UBE2K: variants seen among roughly 807,000 people sequenced by gnomAD.
UBE2K encodes ubiquitin-conjugating enzyme E2 K.
In UBE2K, 6 loss-of-function variants were observed where a neutral mutation model predicts 30.0. The ratio of observed to expected loss-of-function variants is 0.20; its 90% CI spans 0.11 to 0.39. The LOEUF is 0.39. Ranked by LOEUF, UBE2K falls within the 10% of genes least tolerant of loss-of-function variation. The probability of loss-of-function intolerance (pLI) is 1.00; values close to 1 mark genes in which losing one functional copy is unlikely to be tolerated. For synonymous variants in UBE2K, 86 were observed against 83.7 expected (o/e 1.03, Z -0.15); for missense variants, 61 against 241.6 (o/e 0.25, Z 4.96).
At chr4:39,701,454 A>T (rs1275882534) in intron 1 of UBE2K, among the ~76,000 whole-genome samples, 1 of 152,174 alleles carries the variant, frequency 6.6e-6, no homozygotes, top group African/African-American at 2.4e-5. Context: ...GTTATTGCTA[A>T]TTCTTAAGCA....
intron 1 of UBE2K, among the ~76,000 whole-genome samples, chr4:39,714,983 T>C (rs1718965279): frequency 6.6e-6 from 1 of 151,120 alleles, no homozygotes; most frequent in Non-Finnish European, 1.5e-5. Flanking sequence ...CCCAGCCTCC[T>C]GAGTAGCTGG....
rs973493372 is a variant in UBE2K at position 39,698,264 on chromosome 4, C to T, written c.-64C>T. ...GAGGAGGCGGTGGAGGAAGAGGTGGCGGCGGTGGCGGTGGTCGTAGCGGTG... is the reference window on the plus strand; with the variant it reads ...GAGGAGGCGGTGGAGGAAGAGGTGGTGGCGGTGGCGGTGGTCGTAGCGGTG... On this transcript the variant is annotated 5_prime_UTR_variant, in exon 1 of 7. Coordinates refer to ENST00000261427, the MANE Select transcript of UBE2K (RefSeq NM_005339.5). 10 of 1,499,312 alleles carry T rather than the reference C, an allele frequency of 6.7e-6. No homozygotes were observed. Among genetic ancestry groups the T allele is most frequent in the East Asian group, 2.3e-5 (1 of 43,140 alleles). 92.9% of individuals were successfully genotyped at this position (1,499,312 alleles called of 1,614,324 possible).
intron 4 of UBE2K, among the ~76,000 whole-genome samples, chr4:39,763,802 G>A (rs1224208892): frequency 6.6e-6 from 1 of 152,052 alleles, no homozygotes; most frequent in Non-Finnish European, 1.5e-5. Flanking sequence ...CCAGACTAGA[G>A]TGCTGTGGCT....
At chr4:39,766,789 G>A (rs910952967) in intron 4 of UBE2K, among the ~76,000 whole-genome samples, 11 of 151,756 alleles carry the variant, frequency 7.2e-5, no homozygotes, top group Admixed American at 1.3e-4. Context: ...TCGCTCTGTC[G>A]CCCAGGCTGG....
chr4:39,713,517 T>C (rs1718834662), intron 1 of UBE2K, among the ~76,000 whole-genome samples: 1 of 137,594 alleles, frequency 7.3e-6, no homozygotes, highest in African/African-American at 2.8e-5. Flanking sequence ...ATTATGTGGC[T>C]TGATTTTTAA....
rs1358726768 is a variant in UBE2K, at chr4:39,702,256, T to C, written c.63+3866T>C. ...CTTTTTTTTTTTTTTTTTTTTTTTT[T>C]TTTTTTTTTTTTTTTGAGACGGAGT... On this transcript the variant is annotated intron_variant, in intron 1 of 6. Coordinates refer to ENST00000261427, the MANE Select transcript of UBE2K (RefSeq NM_005339.5). Among the ~76,000 whole-genome samples the C allele has an allele frequency of 7.1e-3, 206 of 28,850 alleles. 5 individuals carry two copies. Among genetic ancestry groups the C allele is most frequent in the Middle Eastern group, 0.016 (1 of 64 alleles). 18.9% of individuals were successfully genotyped at this position (28,850 alleles called of 152,430 possible). A position where few individuals can be genotyped will look rare whatever the true frequency, so the allele number is the denominator to read the frequency against.
intron 1 of UBE2K, among the ~76,000 whole-genome samples, chr4:39,712,368 A>ATTTT: frequency 1.9e-5 from 1 of 53,634 alleles, no homozygotes; most frequent in South Asian, 7.8e-4. Flanking sequence ...CGCCCGGCCA[A>ATTTT]TTTTTTTTTT....
In UBE2K at chr4:39,765,127, C is replaced by T. The variant is rs564626542; in HGVS notation, c.299+9388C>T. On this transcript the variant is annotated intron_variant, in intron 4 of 6. Coordinates refer to ENST00000261427, the MANE Select transcript of UBE2K (RefSeq NM_005339.5). Reference sequence around the variant, plus strand: ...GTCTCAATCTCCTGACCTCGTGATCCGCCCGCCTTGGCCTCCCAAAGCGCT... The same window carrying T: ...GTCTCAATCTCCTGACCTCGTGATCTGCCCGCCTTGGCCTCCCAAAGCGCT... Among the ~76,000 whole-genome samples, 27 of 152,248 alleles carry T rather than the reference C, an allele frequency of 1.8e-4. 1 individual carries two copies. In the South Asian group the frequency reaches 2.7e-3, roughly 15 times the overall value.
At position 39,773,659 on chromosome 4, in the gene UBE2K, C is replaced by T. The variant is rs574488642; in HGVS notation, c.300-1175C>T. ...GAAGGTGGCTGGGCGCGGTGGCTCA[C>T]GCCTGTAATCCCAGCACTTTGGGAG... is the stretch of plus-strand genomic sequence containing the variant. On this transcript the variant is annotated intron_variant, in intron 4 of 6. Transcript: ENST00000261427. Among the ~76,000 whole-genome samples the T allele has an allele frequency of 2.7e-4, 41 of 150,936 alleles. No individual in the cohort carries two copies. The South Asian group carries it at 8.0e-3, about 29-fold the overall frequency.
At chr4:39,714,542 A>AT (rs1275060030) in intron 1 of UBE2K, 5 of 20,192 alleles carry the variant, frequency 2.5e-4, no homozygotes, top group South Asian at 2.2e-3. Flanking sequence ...ATATATATAT[A>AT]TATATATATT....
At position 39,698,173 on chromosome 4, in the gene UBE2K, T is replaced by C. The variant is rs1717793413; in HGVS notation, c.-155T>C. The C allele has an allele frequency of 7.9e-6, 6 of 759,512 alleles. No individual in the cohort carries two copies. The highest frequency in any genetic ancestry group is 5.4e-5 in the East Asian group (2 of 37,256). 47.0% of individuals were successfully genotyped at this position (759,512 alleles called of 1,614,324 possible). A position where few individuals can be genotyped will look rare whatever the true frequency, so the allele number is the denominator to read the frequency against. On this transcript the variant is annotated 5_prime_UTR_variant, in exon 1 of 7. Transcript: ENST00000261427. ...GCCGGGCGCGGAGGTGATTCCACAC[T>C]GAGGCGAGCGCGGCGGCCGGGGTGG...
chr4:39,740,294 T>G (rs1320407761), intron 2 of UBE2K, among the ~76,000 whole-genome samples: 2 of 152,146 alleles, frequency 1.3e-5, no homozygotes, highest in Non-Finnish European at 2.9e-5. Context: ...AGGCACTTCC[T>G]GAGCTAAATT....
At chr4:39,767,756 TTAAAA>T (rs1410452787) in intron 4 of UBE2K, among the ~76,000 whole-genome samples, 1 of 152,216 alleles carries the variant, frequency 6.6e-6, no homozygotes, top group East Asian at 1.9e-4. Flanking sequence ...TTCTTTCAAA[TTAAAA>T]TAAATATTAT....
intron 1 of UBE2K, among the ~76,000 whole-genome samples, chr4:39,712,081 A>G (rs1718722748): frequency 6.6e-6 from 1 of 151,192 alleles, no homozygotes; most frequent in Admixed American, 6.6e-5. Flanking sequence ...CTATCTCAGG[A>G]AAAAAAGAGG....
At chr4:39,774,498 A>C (rs1053117672) in intron 4 of UBE2K, among the ~76,000 whole-genome samples, 3 of 151,698 alleles carry the variant, frequency 2.0e-5, no homozygotes, top group Non-Finnish European at 4.4e-5. Context: ...CTGTAGTCTC[A>C]GCTACTCTGA....
intron 1 of UBE2K, chr4:39,713,730 G>T (rs946100222): frequency 1.3e-5 from 2 of 151,556 alleles, no homozygotes; most frequent in Admixed American, 1.3e-4. Flanking sequence ...CTACCACCCA[G>T]CTTCTGGCAG....
intron 1 of UBE2K, among the ~76,000 whole-genome samples, chr4:39,702,611 G>T (rs1042610280): frequency 6.6e-6 from 1 of 152,032 alleles, no homozygotes; most frequent in African/African-American, 2.4e-5. Flanking sequence ...AATTGGTTTC[G>T]TGAAAATTAC....
At chr4:39,757,056 A>T (rs1711540681) in intron 4 of UBE2K, among the ~76,000 whole-genome samples, 3 of 112,098 alleles carry the variant, frequency 2.7e-5, no homozygotes, top group African/African-American at 6.5e-5. Flanking sequence ...ACAGAGTTTC[A>T]CTCTTGTCAC....
At chr4:39,725,874 CTCAAGCAGT>C (rs1719727660) in intron 1 of UBE2K, among the ~76,000 whole-genome samples, 3 of 152,114 alleles carry the variant, frequency 2.0e-5, no homozygotes, top group Admixed American at 2.0e-4. Flanking sequence ...AACTCCTGGG[CTCAAGCAGT>C]CTGTCCACCT....
Sources: allele counts gnomAD v4.1 joint callset (sites outside exome capture counted in the v4.1 genomes callset), GRCh38; gene constraint gnomAD v4.1.1; transcripts MANE v1.5; gene names NCBI Gene and HGNC (gene_info 2026-07-23, HGNC 2026-07-21).